Variants in PAGE2 observed in about 807,000 individuals in gnomAD.
The protein encoded by PAGE2 is PAGE family member 2.
In PAGE2, 6 loss-of-function variants were observed where a neutral mutation model predicts 7.5. That is an observed-to-expected ratio of 0.80 (90% confidence interval 0.44 to 1.57). The LOEUF (loss-of-function observed/expected upper bound fraction) is 1.57. Among genes scored for constraint, PAGE2 ranks in the 40% most tolerant of loss-of-function variants. The pLI is 0.01. For synonymous variants in PAGE2, 22 were observed against 25.4 expected (o/e 0.87, Z 0.41); for missense variants, 72 against 76.4 (o/e 0.94, Z 0.21).
chrX:55,091,002 GTAATA>G (rs765738296), intron 3 of PAGE2, among the ~76,000 whole-genome samples: 43 of 109,995 alleles, frequency 3.9e-4, no homozygotes, highest in Non-Finnish European at 5.7e-4. Context: ...CTCATACCAC[GTAATA>G]TACTAAGTGC....
Position 55,090,485 on chromosome X carries a change from C to G in PAGE2, c.85-17C>G. Reference sequence around the variant, plus strand: ...ATATTATTGACTTTTTATTCACACACACACTTACACCCTTAGGTCCAGGAG... The same window carrying G: ...ATATTATTGACTTTTTATTCACACAGACACTTACACCCTTAGGTCCAGGAG... On this transcript the variant is annotated splice_polypyrimidine_tract_variant and intron_variant, in intron 2 of 4. Transcript: ENST00000374968. The G allele has an allele frequency of 1.7e-6, 2 of 1,167,575 alleles. No individual in the cohort carries two copies. The highest frequency in any genetic ancestry group is 2.3e-6 in the Non-Finnish European group (2 of 864,270).
In PAGE2 at chrX:55,091,410, G is replaced by C; in HGVS notation, c.272G>C (p.Arg91Thr). 8.3e-7 allele frequency: 1 copy of C among 1,206,609 alleles called. No individual in the cohort carries two copies. Among genetic ancestry groups the C allele is most frequent in the Non-Finnish European group, 1.1e-6 (1 of 894,276 alleles). Residue 91 changes from arginine to threonine, a missense_variant, in exon 4 of 5, where the codon AGG (arginine) becomes ACG (threonine). Coordinates refer to ENST00000374968, the MANE Select transcript of PAGE2 (RefSeq NM_207339.4). The stretch of plus-strand genomic sequence containing the variant: ...GAGCCTGGAGATGGTCCTGATGTCA[G>C]GGAGGGTATTATGCCCACTTTTGAT... ...EDEPGDGPDV[R>T]EGIMPTFDLT...
At chrX:55,092,001 C>T (rs746997686) in intron 4 of PAGE2, among the ~76,000 whole-genome samples, 288 of 16,579 alleles carry the variant, frequency 0.017, 8 homozygotes, top group African/African-American at 0.045. Context: ...TTTATAGAGG[C>T]CTGTTTTTAA....
chrX:55,091,756 A>T (rs2498451), intron 4 of PAGE2, among the ~76,000 whole-genome samples: 6,185 of 76,653 alleles, frequency 0.081, 1,105 homozygotes, highest in African/African-American at 0.22. Flanking sequence ...ATATGAAAGA[A>T]ATGAAACATG....
chrX:55,089,507 T>A (rs918863872), intron 1 of PAGE2, among the ~76,000 whole-genome samples: 2 of 109,682 alleles, frequency 1.8e-5, no homozygotes, highest in African/African-American at 6.8e-5. Flanking sequence ...GGCCCCGAGG[T>A]CTGTAGAGTG....
At chrX:55,090,227 G>A in intron 2 of PAGE2, 123 bp downstream of exon 2, 1 of 791,003 alleles carries the variant, frequency 1.3e-6, no homozygotes, top group Non-Finnish European at 1.8e-6. Context: ...GGCATCTCAT[G>A]AAGGAAACTT....
At chrX:55,090,888 TTGTTGC>T (rs2146475342) in intron 3 of PAGE2, among the ~76,000 whole-genome samples, 1 of 109,113 alleles carries the variant, frequency 9.2e-6, no homozygotes, top group South Asian at 3.9e-4. Context: ...TTTCTGTTTT[TTGTTGC>T]TGTGGAAGAA....
rs748005733 is a variant in PAGE2, at chrX:55,091,440, C to T, written c.302C>T (p.Thr101Ile). 2 of 1,205,495 alleles carry T rather than the reference C, an allele frequency of 1.7e-6. No homozygotes were observed. The highest frequency in any genetic ancestry group is 2.2e-6 in the Non-Finnish European group (2 of 893,897). The change falls in exon 4 of 5, where the codon ACT becomes ATT. Residue 101 changes from threonine (T) to isoleucine (I), a missense_variant. Physicochemically the swap from Thr to Ile is moderately conservative, Grantham distance 89. Transcript: ENST00000374968. ...GGTATTATGCCCACTTTTGATCTCA[C>T]TAAAGTGCTGGAAGCAGGTTTGTTA... Reference protein sequence around the residue: ...REGIMPTFDLTKVLEAGDAQP With the variant: ...REGIMPTFDLIKVLEAGDAQP
intron 1 of PAGE2, 91 bp from the exon 2 acceptor site, chrX:55,089,922 A>G: frequency 2.8e-6 from 2 of 704,050 alleles, no homozygotes; most frequent in Non-Finnish European, 4.2e-6. Context: ...TCAAAATTAA[A>G]AAAGTACAAA....
chrX:55,091,388 C>T lies in PAGE2; in HGVS notation c.250C>T (p.Pro84Ser), dbSNP rs1032557797. The change falls in exon 4 of 5, where the codon CCT becomes TCT. Residue 84 changes from proline (P) to serine (S), a missense_variant. Coordinates refer to ENST00000374968, the MANE Select transcript of PAGE2 (RefSeq NM_207339.4). ...GGCTCTGCTTAAGATAGAGGATGAGCCTGGAGATGGTCCTGATGTCAGGGA... is the reference window on the plus strand; with the variant it reads ...GGCTCTGCTTAAGATAGAGGATGAGTCTGGAGATGGTCCTGATGTCAGGGA... ...ELALLKIEDE[P>S]GDGPDVREGI... The T allele has an allele frequency of 1.7e-6, 2 of 1,206,660 alleles. No homozygotes were observed. The highest frequency in any genetic ancestry group is 2.2e-6 in the Non-Finnish European group (2 of 894,238).
chrX:55,089,406 T>G (rs1166165170), intron 1 of PAGE2, among the ~76,000 whole-genome samples: 1 of 110,117 alleles, frequency 9.1e-6, no homozygotes, highest in Non-Finnish European at 1.9e-5. Flanking sequence ...AGAGGACAGT[T>G]TCCAAACTCC....
In PAGE2 at chrX:55,091,557, A is replaced by G. The variant is rs1342059585; in HGVS notation, c.319+100A>G. ...TACTGCTACTTTAATATCATACTTC[A>G]CGTCTGAAGGTTCTTTGAATGTAGT... On this transcript the variant is annotated intron_variant, in intron 4 of 4. Coordinates refer to ENST00000374968, the MANE Select transcript of PAGE2 (RefSeq NM_207339.4). The G allele has an allele frequency of 1.5e-5, 17 of 1,130,005 alleles. 2 individuals carry two copies. The African/African-American group carries it at 2.8e-4, about 19-fold the overall frequency. The allele number at this position is 1,130,005 out of a possible 1,213,427, so 93.1% of individuals were successfully genotyped here. A position where few individuals can be genotyped will look rare whatever the true frequency, so the allele number is the denominator to read the frequency against.
chrX:55,090,043 G>T lies in PAGE2; in HGVS notation c.23G>T (p.Arg8Ile), dbSNP rs1345036208. The change falls in exon 2 of 5, where the codon AGA becomes ATA. Residue 8 changes from arginine to isoleucine, a missense_variant. By Grantham distance (97) the Arg-to-Ile change is moderately conservative. Transcript: ENST00000374968. MSELLRA[R>I]SQSSERGNDQ... Reference sequence around the variant, plus strand: ...AATATGAGTGAGCTTCTAAGAGCAAGATCCCAATCCTCAGAAAGAGGAAAT... The same window carrying T: ...AATATGAGTGAGCTTCTAAGAGCAATATCCCAATCCTCAGAAAGAGGAAAT... The T allele has an allele frequency of 4.2e-6, 5 of 1,202,883 alleles. No individual in the cohort carries two copies. In the South Asian group the frequency reaches 8.8e-5, roughly 21 times the overall value.
In PAGE2 at chrX:55,090,991, C is replaced by A. The variant is rs778365216; in HGVS notation, c.194-341C>A. Among the ~76,000 whole-genome samples, 4 of 109,991 alleles carry A rather than the reference C, an allele frequency of 3.6e-5. No individual in the cohort carries two copies. The East Asian group carries it at 1.1e-3, about 31-fold the overall frequency. On this transcript the variant is annotated intron_variant, in intron 3 of 4. Transcript: ENST00000374968. ...TTTTAACACACCTTTATTGATGCTTCCTCATACCACGTAATATACTAAGTG... is the reference window on the plus strand; with the variant it reads ...TTTTAACACACCTTTATTGATGCTTACTCATACCACGTAATATACTAAGTG...
At chrX:55,089,848 T>C (rs1171040321) in intron 1 of PAGE2, among the ~76,000 whole-genome samples, 165 bp from the exon 2 acceptor site, 1 of 111,166 alleles carries the variant, frequency 9.0e-6, no homozygotes, top group East Asian at 2.8e-4. Flanking sequence ...AACAAATCTG[T>C]CCTTAGTTTG....
intron 1 of PAGE2, 55 bp from the exon 2 acceptor site, chrX:55,089,956 CAT>C (rs764058075): frequency 7.7e-6 from 7 of 911,258 alleles, no homozygotes; most frequent in Non-Finnish European, 1.1e-5. Flanking sequence ...GTGGAATGTT[CAT>C]ATATATAACT....
At position 55,090,430 on chromosome X, in the gene PAGE2, G is replaced by C. The variant is rs955366503; in HGVS notation, c.85-72G>C. The C allele has an allele frequency of 1.3e-5, 13 of 968,746 alleles. 1 individual carries two copies. The highest frequency in any genetic ancestry group is 2.6e-4 in the Middle Eastern group (1 of 3,826). The allele number at this position is 968,746 out of a possible 1,213,427, so 79.8% of individuals were successfully genotyped here. A position where few individuals can be genotyped will look rare whatever the true frequency, so the allele number is the denominator to read the frequency against. On this transcript the variant is annotated intron_variant, in intron 2 of 4. Coordinates refer to ENST00000374968, the MANE Select transcript of PAGE2 (RefSeq NM_207339.4). ...GTTGGAAAAATGTCTTTAGATGTGT[G>C]ATTCGATGCACATATGCATTTGTGT... is the stretch of plus-strand genomic sequence containing the variant.
intron 2 of PAGE2, 83 bp from the exon 3 acceptor site, chrX:55,090,419 T>C: frequency 1.1e-6 from 1 of 928,034 alleles, no homozygotes. Flanking sequence ...GAAAAATGTC[T>C]TTAGATGTGT....
chrX:55,089,926 G>A (rs1936638546), intron 1 of PAGE2, 87 bp from the exon 2 acceptor site: 2 of 726,450 alleles, frequency 2.8e-6, no homozygotes, highest in Non-Finnish European at 2.0e-6. Context: ...AATTAAAAAA[G>A]TACAAATCAC....
Sources: gnomAD v4.1 joint callset for allele counts (sites outside exome capture counted in the v4.1 genomes callset) on GRCh38, gnomAD v4.1.1 for gene constraint, MANE v1.5 for transcripts, NCBI Gene and HGNC (gene_info 2026-07-23, HGNC 2026-07-21) for gene names.